DLG2: variants seen among roughly 807,000 people sequenced by gnomAD.
DLG2 encodes disks large homolog 2.
A neutral mutation model predicts 132.5 loss-of-function variants in DLG2; 45 were observed. The ratio of observed to expected loss-of-function variants is 0.34; its 90% CI spans 0.27 to 0.44. The LOEUF is 0.44. DLG2 is among the 20% of genes least tolerant of loss of function. The pLI, the probability that DLG2 is intolerant of heterozygous loss-of-function variation, is 1.00. For synonymous variants in DLG2, 424 were observed against 419.6 expected (o/e 1.01, Z -0.13); for missense variants, 1,045 against 1,196.9 (o/e 0.87, Z 1.87).
At chr11:85,103,240 T>C (rs2071159479) in intron 6 of DLG2, among the ~76,000 whole-genome samples, 1 of 151,954 alleles carries the variant, frequency 6.6e-6, no homozygotes, top group African/African-American at 2.4e-5. Context: ...CAGGCTTCTG[T>C]AGAAATTCAT....
At chr11:84,578,743 T>C (rs1356334701) in intron 6 of DLG2, among the ~76,000 whole-genome samples, 1 of 152,110 alleles carries the variant, frequency 6.6e-6, no homozygotes, top group East Asian at 1.9e-4. Flanking sequence ...AAATTAAGAC[T>C]TTGGGGGACT....
intron 7 of DLG2, among the ~76,000 whole-genome samples, chr11:84,471,489 T>C (rs573810359): frequency 1.4e-4 from 21 of 151,948 alleles, no homozygotes; most frequent in Non-Finnish European, 2.7e-4. Context: ...TGGTCAGTTA[T>C]GGCTGAAATC....
chr11:85,087,568 G>T (rs2068099005), intron 6 of DLG2, among the ~76,000 whole-genome samples: 2 of 152,306 alleles, frequency 1.3e-5, no homozygotes, highest in Admixed American at 6.5e-5. Context: ...GCCGGGCGCG[G>T]TGGCTCACGC....
At chr11:85,538,733 C>A (rs1470517757) in intron 3 of DLG2, among the ~76,000 whole-genome samples, 2 of 151,794 alleles carry the variant, frequency 1.3e-5, no homozygotes, top group Non-Finnish European at 2.9e-5. Context: ...AGCAAACTAA[C>A]ACAGGGACAG....
chr11:84,662,922 C>T (rs1269122464), intron 6 of DLG2, among the ~76,000 whole-genome samples: 3 of 151,788 alleles, frequency 2.0e-5, no homozygotes, highest in African/African-American at 7.3e-5. Flanking sequence ...CAAATTGGGG[C>T]ATTTTCTGAG....
At chr11:84,850,258 C>A (rs2082018860) in intron 6 of DLG2, among the ~76,000 whole-genome samples, 1 of 152,064 alleles carries the variant, frequency 6.6e-6, no homozygotes, top group African/African-American at 2.4e-5. Context: ...ATTTGCTATG[C>A]AACATCTTAT....
chr11:85,467,000 T>C (rs546602298), intron 3 of DLG2, among the ~76,000 whole-genome samples: 6 of 152,354 alleles, frequency 3.9e-5, no homozygotes, highest in East Asian at 3.9e-4. Flanking sequence ...CAGTGGTTTG[T>C]AGTTCTCCTT....
chr11:83,471,210 T>C (rs1320078494), intron 24 of DLG2, among the ~76,000 whole-genome samples: 1 of 152,132 alleles, frequency 6.6e-6, no homozygotes, highest in African/African-American at 2.4e-5. Flanking sequence ...GATTGACATA[T>C]GGCCCTAAGT....
At chr11:84,759,214 C>T (rs1173954830) in intron 6 of DLG2, among the ~76,000 whole-genome samples, 1 of 152,090 alleles carries the variant, frequency 6.6e-6, no homozygotes, top group Non-Finnish European at 1.5e-5. Context: ...ACCATTGTCA[C>T]TAGATGCCAG....
chr11:84,708,895 C>A (rs1023318660), intron 6 of DLG2, among the ~76,000 whole-genome samples: 1 of 151,776 alleles, frequency 6.6e-6, no homozygotes, highest in African/African-American at 2.4e-5. Context: ...GGTCATCTGG[C>A]CTTTTAAATA....
intron 2 of DLG2, among the ~76,000 whole-genome samples, chr11:85,610,351 C>A (rs1023340144): frequency 1.3e-5 from 2 of 152,150 alleles, no homozygotes; most frequent in Admixed American, 6.5e-5. Flanking sequence ...CCTCTATATC[C>A]AGTTGTACCC....
chr11:83,700,681 CT>C (rs1192952264), intron 18 of DLG2, among the ~76,000 whole-genome samples: 3 of 151,994 alleles, frequency 2.0e-5, no homozygotes, highest in Non-Finnish European at 4.4e-5. Context: ...ATTCAATGTC[CT>C]TAAATAATAC....
At chr11:83,787,213 G>A (rs1186384882) in intron 17 of DLG2, among the ~76,000 whole-genome samples, 1 of 151,088 alleles carries the variant, frequency 6.6e-6, no homozygotes, top group African/African-American at 2.4e-5. Context: ...AGATTCTGGG[G>A]ACATGGTATA....
In DLG2 at chr11:84,769,861, C is replaced by T. The variant is rs112103142; in HGVS notation, c.358-235130G>A. Among the ~76,000 whole-genome samples the T allele has an allele frequency of 1.0e-3, 152 of 152,280 alleles. 3 individuals are homozygous for T. Among genetic ancestry groups the T allele is most frequent in the African/African-American group, 3.4e-3 (143 of 41,550 alleles). On this transcript the variant is annotated intron_variant, in intron 6 of 27. Coordinates refer to ENST00000376104, the MANE Select transcript of DLG2 (RefSeq NM_001142699.3). ...TAAATTCCAACCAAGAATTTAATATCCTGCCCAACCAAGCTTCAAAAGCAA... is the reference window on the plus strand; with the variant it reads ...TAAATTCCAACCAAGAATTTAATATTCTGCCCAACCAAGCTTCAAAAGCAA...
At chr11:84,106,347 G>A (rs1424794163) in intron 9 of DLG2, among the ~76,000 whole-genome samples, 2 of 152,102 alleles carry the variant, frequency 1.3e-5, no homozygotes, top group South Asian at 2.1e-4. Flanking sequence ...CTCATGTTAC[G>A]ATATCTAAAG....
chr11:84,600,223 A>T (rs1305279507), intron 6 of DLG2, among the ~76,000 whole-genome samples: 4 of 129,242 alleles, frequency 3.1e-5, no homozygotes, highest in Admixed American at 7.5e-5. Flanking sequence ...AAAGAAAGAA[A>T]GAGAAAGAAA....
At chr11:83,887,752 T>C (rs1196037354) in intron 15 of DLG2, among the ~76,000 whole-genome samples, 9 of 149,384 alleles carry the variant, frequency 6.0e-5, no homozygotes, top group African/African-American at 2.2e-4. Flanking sequence ...TTATCCACCA[T>C]GATCAAGTGG....
chr11:83,792,907 A>G (rs2041950853), intron 17 of DLG2, among the ~76,000 whole-genome samples: 1 of 152,178 alleles, frequency 6.6e-6, no homozygotes, highest in Non-Finnish European at 1.5e-5. Context: ...ATGCCAACAA[A>G]TAATATACGA....
chr11:83,982,911 T>TACGC (rs1473761158), intron 11 of DLG2, among the ~76,000 whole-genome samples: 1 of 152,152 alleles, frequency 6.6e-6, no homozygotes, highest in African/African-American at 2.4e-5. Context: ...TTGCCTACAG[T>TACGC]ACGCAGTATA....
Sources: gnomAD v4.1 joint callset for allele counts (sites outside exome capture counted in the v4.1 genomes callset) on GRCh38, gnomAD v4.1.1 for gene constraint, MANE v1.5 for transcripts, NCBI Gene and HGNC (gene_info 2026-07-23, HGNC 2026-07-21) for gene names.